Variants in GPR32 observed in about 807,000 individuals in gnomAD.
GPR32 encodes probable G protein-coupled receptor 32.
For missense variants in GPR32, 433 were observed against 454.1 expected (o/e 0.95, Z 0.42); for synonymous variants, 215 against 195.3 (o/e 1.10, Z -0.84).
In GPR32 at chr19:50,771,023, C is replaced by A. The variant is rs764346155; in HGVS notation, c.423C>A (p.Ile141=). 2 of 1,614,186 alleles carry A rather than the reference C, an allele frequency of 1.2e-6. No individual in the cohort carries two copies. Among genetic ancestry groups the A allele is most frequent in the Non-Finnish European group, 1.7e-6 (2 of 1,180,030 alleles). The change falls in exon 1 of 1, where the codon ATC becomes ATA. Residue 141 remains isoleucine, a synonymous_variant. Coordinates refer to ENST00000270590, the MANE Select transcript of GPR32 (RefSeq NM_001506.2). ...LLVFISVDRC[I]SVLYPVWALN... ...TCTTCATCTCTGTGGACCGTTGCAT[C>A]TCTGTCCTCTACCCCGTCTGGGCCC...
In GPR32 at chr19:50,771,101, C is replaced by A; in HGVS notation, c.501C>A (p.Leu167=). 6.2e-7 allele frequency: 1 copy of A among 1,614,194 alleles called. No individual in the cohort carries two copies. Among genetic ancestry groups the A allele is most frequent in the Non-Finnish European group, 8.5e-7 (1 of 1,180,056 alleles). The part of the protein sequence containing the change: ...RASWLAFGVW[L]LAAALCSAHL... ...GCTGGCTGGCCTTTGGGGTGTGGCTCCTGGCCGCCGCCTTGTGCTCTGCGC... is the reference window on the plus strand; with the variant it reads ...GCTGGCTGGCCTTTGGGGTGTGGCTACTGGCCGCCGCCTTGTGCTCTGCGC... Residue 167 remains leucine, a synonymous_variant, in exon 1 of 1, where the codon CTC becomes CTA. Transcript: ENST00000270590.
At position 50,771,317 on chromosome 19, in the gene GPR32, C is replaced by G. The variant is rs764920430; in HGVS notation, c.717C>G (p.Ile239Met). The G allele has an allele frequency of 1.4e-5, 22 of 1,614,022 alleles. 1 individual carries two copies. Among genetic ancestry groups the G allele is most frequent in the Middle Eastern group, 1.6e-4 (1 of 6,084 alleles). Residue 239 changes from isoleucine (I) to methionine (M), a missense_variant, in exon 1 of 1, where the codon ATC becomes ATG. Ile to Met is a conservative substitution (Grantham distance 10). Transcript: ENST00000270590. ...TCATAGGCACCTGCGCCCACCTCAT[C>G]CGGGCCAAGCTCTTGCGGGAGGGCT... ...LAIIGTCAHL[I>M]RAKLLREGWV... is the part of the protein sequence containing the mutation.
Position 50,770,737 on chromosome 19 carries a change from C to T in GPR32, c.137C>T (p.Thr46Ile), listed in dbSNP as rs1304220385. 1 of 1,614,116 alleles carries T rather than the reference C, an allele frequency of 6.2e-7. No individual in the cohort carries two copies. The highest frequency in any genetic ancestry group is 1.7e-5 in the Admixed American group (1 of 60,002). Residue 46 changes from threonine (T) to isoleucine (I), a missense_variant, in exon 1 of 1, where the codon ACT (threonine) becomes ATT (isoleucine). Coordinates refer to ENST00000270590, the MANE Select transcript of GPR32 (RefSeq NM_001506.2). ...GAGGTGGGGTCCCTCCGCCCACTGACTGTGGTTATCCTGTCTGCGTCCATT... is the reference window on the plus strand; with the variant it reads ...GAGGTGGGGTCCCTCCGCCCACTGATTGTGGTTATCCTGTCTGCGTCCATT... ...SEEVGSLRPL[T>I]VVILSASIVV... is the part of the protein sequence containing the mutation.
In GPR32 at chr19:50,770,975, C is replaced by T. The variant is rs773566984; in HGVS notation, c.375C>T (p.Tyr125=). ...ACATCACCTTTGTGTTCCTCAGCTA[C>T]TTTGCCAGTAACTGCCTCCTTGTCT... is the stretch of plus-strand genomic sequence containing the variant. ...KLYITFVFLS[Y]FASNCLLVFI... is the part of the protein sequence containing the mutation. Residue 125 remains tyrosine (Y), a synonymous_variant, in exon 1 of 1, where the codon TAC becomes TAT. Transcript: ENST00000270590. 6.2e-7 allele frequency: 1 copy of T among 1,614,044 alleles called. No homozygotes were observed. Among genetic ancestry groups the T allele is most frequent in the African/African-American group, 1.3e-5 (1 of 74,928 alleles).
Position 50,771,619 on chromosome 19 carries a change from G to C in GPR32, c.1019G>C (p.Gly340Ala). ...ACTTCTGCCCTGGCGAGGGCGTTTG[G>C]AGAGGAGGAGTTTCTGTCATCCTGT... The part of the protein sequence containing the change: ...SLTSALARAF[G>A]EEEFLSSCPR... Residue 340 changes from glycine to alanine, a missense_variant, in exon 1 of 1, where the codon GGA (glycine) becomes GCA (alanine). Transcript: ENST00000270590. The C allele has an allele frequency of 6.2e-7, 1 of 1,613,994 alleles. No homozygotes were observed. The highest frequency in any genetic ancestry group is 8.5e-7 in the Non-Finnish European group (1 of 1,180,010).
In GPR32 at chr19:50,771,663, C is replaced by T; in HGVS notation, c.1063C>T (p.Arg355Trp). 1.2e-6 allele frequency: 2 copies of T among 1,606,590 alleles called. No homozygotes were observed. The highest frequency in any genetic ancestry group is 1.7e-6 in the Non-Finnish European group (2 of 1,176,810). Residue 355 changes from arginine (R) to tryptophan (W), a missense_variant, in exon 1 of 1, where the codon CGG becomes TGG. Coordinates refer to ENST00000270590, the MANE Select transcript of GPR32 (RefSeq NM_001506.2). Reference sequence around the variant, plus strand: ...ATCCTGTCCCCGTGGCAACGCCCCCCGGGAATGATGGAAGACTTCAGCTGG... The same window carrying T: ...ATCCTGTCCCCGTGGCAACGCCCCCTGGGAATGATGGAAGACTTCAGCTGG... ...LSSCPRGNAP[R>W]E
chr19:50,771,021 A>T lies in GPR32; in HGVS notation c.421A>T (p.Ile141Phe). The stretch of plus-strand genomic sequence containing the variant: ...TGTCTTCATCTCTGTGGACCGTTGC[A>T]TCTCTGTCCTCTACCCCGTCTGGGC... ...LLVFISVDRC[I>F]SVLYPVWALN... Residue 141 changes from isoleucine (I) to phenylalanine (F), a missense_variant, in exon 1 of 1, where the codon ATC becomes TTC. Coordinates refer to ENST00000270590, the MANE Select transcript of GPR32 (RefSeq NM_001506.2). The T allele has an allele frequency of 6.2e-7, 1 of 1,614,058 alleles. No individual in the cohort carries two copies. The highest frequency in any genetic ancestry group is 1.3e-5 in the African/African-American group (1 of 75,024).
In GPR32 at chr19:50,770,663, T is replaced by G. The variant is rs769794039; in HGVS notation, c.63T>G (p.Arg21=). Residue 21 remains arginine (R), a synonymous_variant, in exon 1 of 1, where the codon CGT becomes CGG. Coordinates refer to ENST00000270590, the MANE Select transcript of GPR32 (RefSeq NM_001506.2). ...CSDRQPGVLT[R]DRSCSRKMNS... Reference sequence around the variant, plus strand: ...ACAGGCAACCTGGGGTCCTGACACGTGATCGCTCTTGTTCCAGGAAGATGA... The same window carrying G: ...ACAGGCAACCTGGGGTCCTGACACGGGATCGCTCTTGTTCCAGGAAGATGA... 2.5e-6 allele frequency: 4 copies of G among 1,613,898 alleles called. No individual in the cohort carries two copies. The highest frequency in any genetic ancestry group is 3.4e-6 in the Non-Finnish European group (4 of 1,179,868).
Position 50,771,309 on chromosome 19 carries a change from C to G in GPR32, c.709C>G (p.His237Asp). 1 of 1,614,154 alleles carries G rather than the reference C, an allele frequency of 6.2e-7. No homozygotes were observed. Among genetic ancestry groups the G allele is most frequent in the Non-Finnish European group, 8.5e-7 (1 of 1,180,006 alleles). ...GPLAIIGTCA[H>D]LIRAKLLREG... The stretch of plus-strand genomic sequence containing the variant: ...CTTAGCAATCATAGGCACCTGCGCC[C>G]ACCTCATCCGGGCCAAGCTCTTGCG... The change falls in exon 1 of 1, where the codon CAC (histidine) becomes GAC (aspartate). Residue 237 changes from histidine (H) to aspartate (D), a missense_variant. Transcript: ENST00000270590.
At position 50,770,578 on chromosome 19, in the gene GPR32, A is replaced by G. The variant is rs2089393250; in HGVS notation, c.-23A>G. ...AGAATAATAATAATAAGCATTCCAT[A>G]AAAATTATGGAATGGAGAAATCATG... On this transcript the variant is annotated 5_prime_UTR_variant, in exon 1 of 1. The change creates a new upstream start codon in the 5' untranslated region. Transcript: ENST00000270590. The G allele has an allele frequency of 6.9e-7, 1 of 1,456,916 alleles. No homozygotes were observed. Among genetic ancestry groups the G allele is most frequent in the South Asian group, 1.3e-5 (1 of 76,266 alleles). The allele number at this position is 1,456,916 out of a possible 1,614,324, so 90.2% of individuals were successfully genotyped here.
chr19:50,770,794 T>A lies in GPR32; in HGVS notation c.194T>A (p.Leu65Gln), dbSNP rs149687485. 2 of 1,614,100 alleles carry A rather than the reference T, an allele frequency of 1.2e-6. No homozygotes were observed. Among genetic ancestry groups the A allele is most frequent in the Non-Finnish European group, 8.5e-7 (1 of 1,180,032 alleles). Reference protein sequence around the residue: ...VVGVLGNGLVLWMTVFRMART... With the variant: ...VVGVLGNGLVQWMTVFRMART... ...GGAGTGCTGGGCAATGGGCTGGTGC[T>A]GTGGATGACTGTCTTCCGTATGGCA... Residue 65 changes from leucine to glutamine, a missense_variant, in exon 1 of 1, where the codon CTG (leucine) becomes CAG (glutamine). Transcript: ENST00000270590.
Position 50,771,399 on chromosome 19 carries a change from A to C in GPR32, c.799A>C (p.Ile267Leu). Residue 267 changes from isoleucine (I) to leucine (L), a missense_variant, in exon 1 of 1, where the codon ATC becomes CTC. Transcript: ENST00000270590. Reference sequence around the variant, plus strand: ...GCTGGTGCTGGTGAGCGCTTTCTTTATCTTCTGGTCCCCGTTTAACGTGGT... The same window carrying C: ...GCTGGTGCTGGTGAGCGCTTTCTTTCTCTTCTGGTCCCCGTTTAACGTGGT... ...LLLVLVSAFFIFWSPFNVVLL... is the reference protein window; with the variant it reads ...LLLVLVSAFFLFWSPFNVVLL... The C allele has an allele frequency of 6.2e-7, 1 of 1,613,866 alleles. No individual in the cohort carries two copies. Among genetic ancestry groups the C allele is most frequent in the Non-Finnish European group, 8.5e-7 (1 of 1,179,966 alleles).
the GPR32 span, chr19:50,771,644 T>A: frequency 6.2e-7 from 1 of 1,612,682 alleles, no homozygotes; most frequent in African/African-American, 1.3e-5. Flanking sequence ...TGTCATCCTG[T>A]CCCCGTGGCA....
In GPR32 at chr19:50,771,314, C is replaced by T; in HGVS notation, c.714C>T (p.Leu238=). 1.9e-6 allele frequency: 3 copies of T among 1,614,146 alleles called. No homozygotes were observed. The highest frequency in any genetic ancestry group is 2.5e-6 in the Non-Finnish European group (3 of 1,179,992). The change falls in exon 1 of 1, where the codon CTC becomes CTT. Residue 238 remains leucine, a synonymous_variant. Transcript: ENST00000270590. ...PLAIIGTCAH[L]IRAKLLREGW... ...CAATCATAGGCACCTGCGCCCACCT[C>T]ATCCGGGCCAAGCTCTTGCGGGAGG...
In GPR32 at chr19:50,770,711, G is replaced by T; in HGVS notation, c.111G>T (p.Glu37Asp). ...TGAACTCTTCCGGATGCCTGTCTGA[G>T]GAGGTGGGGTCCCTCCGCCCACTGA... ...RKMNSSGCLSEEVGSLRPLTV... is the reference protein window; with the variant it reads ...RKMNSSGCLSDEVGSLRPLTV... The change falls in exon 1 of 1, where the codon GAG (glutamate) becomes GAT (aspartate). Residue 37 changes from glutamate to aspartate, a missense_variant. By Grantham distance (45) the Glu-to-Asp change is conservative. Coordinates refer to ENST00000270590, the MANE Select transcript of GPR32 (RefSeq NM_001506.2). 6.2e-7 allele frequency: 1 copy of T among 1,614,126 alleles called. No individual in the cohort carries two copies. The highest frequency in any genetic ancestry group is 1.6e-4 in the Middle Eastern group (1 of 6,062).
rs1337543265 is a variant in GPR32, at chr19:50,771,441, T to G, written c.841T>G (p.Trp281Gly). The G allele has an allele frequency of 1.9e-6, 3 of 1,614,088 alleles. No individual in the cohort carries two copies. In the African/African-American group the frequency reaches 4.0e-5, roughly 22 times the overall value. Residue 281 changes from tryptophan (W) to glycine (G), a missense_variant, in exon 1 of 1, where the codon TGG (tryptophan) becomes GGG (glycine). Trp to Gly is a radical substitution (Grantham distance 184). Coordinates refer to ENST00000270590, the MANE Select transcript of GPR32 (RefSeq NM_001506.2). Reference protein sequence around the residue: ...PFNVVLLVHLWRRVMLKEIYH... With the variant: ...PFNVVLLVHLGRRVMLKEIYH... ...TAACGTGGTGCTGTTGGTCCATCTG[T>G]GGCGACGGGTGATGCTCAAGGAAAT...
rs2089393099 is a variant in GPR32 at position 50,770,559 on chromosome 19, A to T, written c.-42A>T. 3.1e-6 allele frequency: 4 copies of T among 1,308,812 alleles called. No individual in the cohort carries two copies. Among genetic ancestry groups the T allele is most frequent in the Non-Finnish European group, 3.2e-6 (3 of 950,354 alleles). 81.1% of individuals were successfully genotyped at this position (1,308,812 alleles called of 1,614,324 possible). A position where few individuals can be genotyped will look rare whatever the true frequency, so the allele number is the denominator to read the frequency against. On this transcript the variant is annotated 5_prime_UTR_variant, in exon 1 of 1. The change abolishes the stop of an existing upstream ORF in the 5' untranslated region. Coordinates refer to ENST00000270590, the MANE Select transcript of GPR32 (RefSeq NM_001506.2). ...GCATGACGCTGTCTCTAAAAGAATA[A>T]TAATAATAAGCATTCCATAAAAATT...
In GPR32 at chr19:50,770,867, C is replaced by T; in HGVS notation, c.267C>T (p.Phe89=). The T allele has an allele frequency of 6.2e-7, 1 of 1,614,216 alleles. No individual in the cohort carries two copies. Among genetic ancestry groups the T allele is most frequent in the Non-Finnish European group, 8.5e-7 (1 of 1,180,038 alleles). ...VCFFHLALAD[F]MLSLSLPIAM... ...TCTTCCACCTGGCCCTTGCCGATTTCATGCTCTCACTGTCTCTGCCCATTG... is the reference window on the plus strand; with the variant it reads ...TCTTCCACCTGGCCCTTGCCGATTTTATGCTCTCACTGTCTCTGCCCATTG... Residue 89 remains phenylalanine, a synonymous_variant, in exon 1 of 1, where the codon TTC becomes TTT. Coordinates refer to ENST00000270590, the MANE Select transcript of GPR32 (RefSeq NM_001506.2).
In GPR32 at chr19:50,771,212, T is replaced by C; in HGVS notation, c.612T>C (p.Ile204=). The part of the protein sequence containing the change: ...AFNSDNETAQ[I]WIEGVVEGHI... Reference sequence around the variant, plus strand: ...ACTCTGACAATGAGACTGCCCAGATTTGGATTGAAGGGGTCGTGGAGGGAC... The same window carrying C: ...ACTCTGACAATGAGACTGCCCAGATCTGGATTGAAGGGGTCGTGGAGGGAC... Residue 204 remains isoleucine (I), a synonymous_variant, in exon 1 of 1, where the codon ATT becomes ATC. Coordinates refer to ENST00000270590, the MANE Select transcript of GPR32 (RefSeq NM_001506.2). 1 of 1,614,140 alleles carries C rather than the reference T, an allele frequency of 6.2e-7. No homozygotes were observed. The highest frequency in any genetic ancestry group is 8.5e-7 in the Non-Finnish European group (1 of 1,180,034).
Sources: allele counts gnomAD v4.1 joint callset, GRCh38; gene constraint gnomAD v4.1.1; transcripts MANE v1.5; gene names NCBI Gene and HGNC (gene_info 2026-07-23, HGNC 2026-07-21).